REEP1: variants seen among roughly 807,000 people sequenced by gnomAD.
REEP1 encodes the protein receptor expression-enhancing protein 1.
REEP1 carries 22 observed loss-of-function variants against 40.3 expected under a neutral mutation model. That is an observed-to-expected ratio of 0.55 (90% CI 0.39 to 0.78). The LOEUF (loss-of-function observed/expected upper bound fraction) is 0.78. Ranked by LOEUF, REEP1 falls within the 30% of genes least tolerant of loss-of-function variation. REEP1 has a pLI of 0.00. For missense variants in REEP1, 280 were observed against 361.1 expected (o/e 0.78, Z 1.82); for synonymous variants, 116 against 139.2 (o/e 0.83, Z 1.17).
chr2:86,263,065 A>G (rs4832270), intron 3 of REEP1, among the ~76,000 whole-genome samples: 63,529 of 152,110 alleles, frequency 0.42, 14,740 homozygotes, highest in East Asian at 0.65. Flanking sequence ...AATATTATGT[A>G]GCCATTAAAA....
chr2:86,267,377 G>C (rs114476379), intron 2 of REEP1, among the ~76,000 whole-genome samples: 6,614 of 151,954 alleles, frequency 0.044, 202 homozygotes, highest in East Asian at 0.071. Flanking sequence ...TCCCCTTCAC[G>C]TTCCACCATG....
intron 1 of REEP1, among the ~76,000 whole-genome samples, chr2:86,315,718 T>C (rs1441567950): frequency 2.0e-5 from 3 of 152,198 alleles, no homozygotes; most frequent in Non-Finnish European, 4.4e-5. Flanking sequence ...CAGTTGGCTT[T>C]AGTATTGGTA....
At chr2:86,316,033 G>A (rs1008714456) in intron 1 of REEP1, among the ~76,000 whole-genome samples, 2 of 152,116 alleles carry the variant, frequency 1.3e-5, no homozygotes, top group African/African-American at 4.8e-5. Context: ...GCAGCCAGGG[G>A]AGCCAGGCTT....
intron 1 of REEP1, among the ~76,000 whole-genome samples, chr2:86,322,313 G>A (rs1390908734): frequency 6.6e-6 from 1 of 152,180 alleles, no homozygotes; most frequent in Non-Finnish European, 1.5e-5. Flanking sequence ...GGAGGCCGAG[G>A]TGGGGGGATT....
intron 8 of REEP1, among the ~76,000 whole-genome samples, chr2:86,217,487 G>A (rs1166970522): frequency 6.6e-6 from 1 of 152,050 alleles, no homozygotes; most frequent in Non-Finnish European, 1.5e-5. Flanking sequence ...TTGGGAACCA[G>A]CCTAATGTGT....
intron 2 of REEP1, 41 bp from the exon 3 acceptor site, chr2:86,264,082 A>T: frequency 6.7e-7 from 1 of 1,501,754 alleles, no homozygotes; most frequent in Non-Finnish European, 9.3e-7. Flanking sequence ...GAAAAGGTCC[A>T]GGAAAAACAC....
intron 1 of REEP1, among the ~76,000 whole-genome samples, chr2:86,309,859 G>A (rs144428530): frequency 3.6e-4 from 55 of 152,220 alleles, no homozygotes; most frequent in African/African-American, 1.3e-3. Flanking sequence ...GAATTTGGGG[G>A]GGCAATTGGC....
At chr2:86,256,869 G>T (rs1676589907) in intron 3 of REEP1, among the ~76,000 whole-genome samples, 1 of 152,122 alleles carries the variant, frequency 6.6e-6, no homozygotes. Context: ...GTCCTTTCCA[G>T]GCATCCTCCC....
intron 2 of REEP1, among the ~76,000 whole-genome samples, chr2:86,268,841 T>C (rs934718406): frequency 9.2e-5 from 14 of 152,212 alleles, no homozygotes; most frequent in Non-Finnish European, 2.1e-4. Context: ...AGTGATTTGA[T>C]CCTTGACAAA....
chr2:86,225,506 A>G (rs6709961), intron 7 of REEP1, among the ~76,000 whole-genome samples: 104,833 of 152,222 alleles, frequency 0.69, 40,310 homozygotes, highest in Non-Finnish European at 0.85. Context: ...CCCGACCTCA[A>G]GTGATCTGCC....
At chr2:86,227,162 AC>A (rs1235448278) in intron 7 of REEP1, among the ~76,000 whole-genome samples, 200 bp downstream of exon 7, 3 of 152,106 alleles carry the variant, frequency 2.0e-5, no homozygotes, top group Non-Finnish European at 4.4e-5. Context: ...AGCTAGAACC[AC>A]CCAGTTAAGC....
chr2:86,233,338 T>C (rs909571647), intron 5 of REEP1, among the ~76,000 whole-genome samples: 3 of 152,242 alleles, frequency 2.0e-5, no homozygotes, highest in Admixed American at 2.0e-4. Context: ...TTTATTTGTA[T>C]AGCATATTAC....
chr2:86,227,516 TC>T, intron 6 of REEP1, 118 bp from the exon 7 acceptor site: 1 of 818,484 alleles, frequency 1.2e-6, no homozygotes, highest in Non-Finnish European at 1.6e-6. Flanking sequence ...AATATAGGGA[TC>T]CCAGGAAGGT....
At chr2:86,332,478 C>T (rs1201155626) in intron 1 of REEP1, among the ~76,000 whole-genome samples, 3 of 151,484 alleles carry the variant, frequency 2.0e-5, no homozygotes, top group African/African-American at 7.3e-5. Context: ...CACACACGTT[C>T]ACTCACATAC....
chr2:86,270,641 CTGAAA>C (rs368823746), intron 2 of REEP1, among the ~76,000 whole-genome samples: 11 of 152,142 alleles, frequency 7.2e-5, no homozygotes, highest in African/African-American at 2.6e-4. Context: ...AGCACAATAT[CTGAAA>C]TGAAACAGTA....
In REEP1 at chr2:86,250,987, C is replaced by G. The variant is rs564631393; in HGVS notation, c.417+970G>C. ...TTCTTGCAAACCTTTTAAGCCCCAT[C>G]GCCTCCTTCCCCAAAACCCTCACAT... On this transcript the variant is annotated intron_variant, in intron 5 of 8. Coordinates refer to ENST00000538924, the MANE Select transcript of REEP1 (RefSeq NM_001371279.1). Among the ~76,000 whole-genome samples, 321 of 152,250 alleles carry G rather than the reference C, an allele frequency of 2.1e-3. 3 individuals carry two copies. The highest frequency in any genetic ancestry group is 1.2e-3 in the Non-Finnish European group (85 of 68,020).
intron 1 of REEP1, among the ~76,000 whole-genome samples, chr2:86,333,168 C>T (rs1177508940): frequency 1.3e-5 from 2 of 152,236 alleles, no homozygotes; most frequent in African/African-American, 2.4e-5. Context: ...CTGCATGCCA[C>T]ATTTTAAAAG....
At chr2:86,322,315 G>C (rs1342095634) in intron 1 of REEP1, among the ~76,000 whole-genome samples, 2 of 152,106 alleles carry the variant, frequency 1.3e-5, no homozygotes, top group Non-Finnish European at 2.9e-5. Context: ...AGGCCGAGGT[G>C]GGGGGATTGC....
At chr2:86,274,559 C>A (rs1250983246) in intron 2 of REEP1, among the ~76,000 whole-genome samples, 1 of 152,156 alleles carries the variant, frequency 6.6e-6, no homozygotes, top group Non-Finnish European at 1.5e-5. Context: ...AATGGTCTTC[C>A]CCATCATTCC....
Sources: allele counts gnomAD v4.1 joint callset (sites outside exome capture counted in the v4.1 genomes callset), GRCh38; gene constraint gnomAD v4.1.1; transcripts MANE v1.5; gene names NCBI Gene and HGNC (gene_info 2026-07-23, HGNC 2026-07-21).